The following CSMD3 variants were observed in gnomAD, a reference collection of about 807,000 sequenced individuals.
The protein encoded by CSMD3 is CUB and Sushi multiple domains 3, also known as CUB and sushi domain-containing protein 3.
CSMD3 carries 177 observed loss-of-function variants against 435.2 expected under a neutral mutation model. The observed-to-expected ratio is 0.41, with a 90% CI of 0.36 to 0.46. CSMD3 has a LOEUF of 0.46. Among genes scored for constraint, CSMD3 ranks in the 20% least tolerant of loss-of-function variants. CSMD3 has a pLI of 0.34. For synonymous variants in CSMD3, 1,656 were observed against 1,520.5 expected (o/e 1.09, Z -2.07); for missense variants, 4,265 against 4,504.6 (o/e 0.95, Z 1.52).
At chr8:112,243,214 A>G (rs1193175074) in intron 65 of CSMD3, among the ~76,000 whole-genome samples, 2 of 149,156 alleles carry the variant, frequency 1.3e-5, no homozygotes, top group Non-Finnish European at 3.0e-5. Flanking sequence ...AGATCTTCTC[A>G]TACTACAGCG....
At chr8:112,533,174 A>G (rs1188118538) in intron 27 of CSMD3, among the ~76,000 whole-genome samples, 1 of 152,056 alleles carries the variant, frequency 6.6e-6, no homozygotes, top group African/African-American at 2.4e-5. Context: ...TGGTTAAGAA[A>G]ATCACTTAAC....
chr8:113,089,828 A>T (rs2089940388), intron 5 of CSMD3, among the ~76,000 whole-genome samples: 2 of 152,098 alleles, frequency 1.3e-5, no homozygotes, highest in South Asian at 4.1e-4. Context: ...ATAAGGTCTG[A>T]TATCCTACTG....
chr8:112,911,215 A>G (rs982099038), intron 10 of CSMD3, among the ~76,000 whole-genome samples: 7 of 151,926 alleles, frequency 4.6e-5, no homozygotes, highest in Non-Finnish European at 8.8e-5. Flanking sequence ...CTCTCAAACC[A>G]TATGACATCT....
chr8:112,587,902 A>G (rs1470501339), intron 22 of CSMD3, among the ~76,000 whole-genome samples: 2 of 151,862 alleles, frequency 1.3e-5, no homozygotes, highest in African/African-American at 2.4e-5. Context: ...GTACTGCTAA[A>G]CCTTCAGGAC....
At chr8:113,422,470 C>T (rs940457851) in intron 1 of CSMD3, among the ~76,000 whole-genome samples, 7 of 152,080 alleles carry the variant, frequency 4.6e-5, no homozygotes, top group African/African-American at 1.7e-4. Flanking sequence ...AAGTGAAAGT[C>T]AATCAATATG....
chr8:112,607,989 C>T (rs900924748), intron 22 of CSMD3, among the ~76,000 whole-genome samples: 4 of 152,038 alleles, frequency 2.6e-5, no homozygotes, highest in East Asian at 1.9e-4. Context: ...CAAAACCATC[C>T]GAAACATAAA....
chr8:112,992,370 A>G (rs2085488117), intron 6 of CSMD3, among the ~76,000 whole-genome samples: 1 of 151,788 alleles, frequency 6.6e-6, no homozygotes, highest in Non-Finnish European at 1.5e-5. Context: ...ATGTCAAAAC[A>G]TACACGGTGA....
At chr8:112,325,630 A>T (rs1202736008) in intron 45 of CSMD3, among the ~76,000 whole-genome samples, 1 of 152,114 alleles carries the variant, frequency 6.6e-6, no homozygotes, top group Non-Finnish European at 1.5e-5. Context: ...GAGAAATGAA[A>T]GAATGGATGC....
chr8:112,304,671 C>G (rs375842631), intron 52 of CSMD3, 50 bp downstream of exon 52: 1 of 1,387,042 alleles, frequency 7.2e-7, no homozygotes, highest in Middle Eastern at 1.8e-4. Context: ...TCAAACAATT[C>G]GATAACCAAA....
chr8:112,885,937 T>C (rs748632875), intron 10 of CSMD3, among the ~76,000 whole-genome samples: 3 of 151,728 alleles, frequency 2.0e-5, no homozygotes, highest in Non-Finnish European at 4.4e-5. Flanking sequence ...GAATCTTTTC[T>C]GCTAAGAGGT....
chr8:112,978,000 G>C (rs893741096), intron 6 of CSMD3, among the ~76,000 whole-genome samples: 2 of 152,080 alleles, frequency 1.3e-5, no homozygotes, highest in East Asian at 1.9e-4. Context: ...CATACATCAT[G>C]ATGAGCTCAT....
At chr8:112,609,478 C>A (rs1207074591) in intron 22 of CSMD3, among the ~76,000 whole-genome samples, 4 of 152,056 alleles carry the variant, frequency 2.6e-5, no homozygotes, top group Non-Finnish European at 4.4e-5. Context: ...CACCTCACAT[C>A]TGTTAGCATG....
intron 3 of CSMD3, among the ~76,000 whole-genome samples, chr8:113,241,388 C>T (rs937878613): frequency 3.3e-5 from 5 of 151,836 alleles, no homozygotes; most frequent in African/African-American, 4.8e-5. Flanking sequence ...AGCAGTGGGT[C>T]CCTGAAAAGA....
chr8:112,552,995 A>G (rs916058350), intron 25 of CSMD3, among the ~76,000 whole-genome samples: 3 of 152,144 alleles, frequency 2.0e-5, no homozygotes, highest in African/African-American at 7.2e-5. Flanking sequence ...AGGATTCCAA[A>G]CATTTTAAGA....
At chr8:113,214,549 G>A (rs1420353123) in intron 3 of CSMD3, among the ~76,000 whole-genome samples, 1 of 151,864 alleles carries the variant, frequency 6.6e-6, no homozygotes, top group Non-Finnish European at 1.5e-5. Context: ...TTCCAATCAA[G>A]AAAACAGTTC....
intron 4 of CSMD3, among the ~76,000 whole-genome samples, chr8:113,115,355 G>T (rs956565625): frequency 4.6e-5 from 7 of 152,132 alleles, no homozygotes; most frequent in African/African-American, 1.7e-4. Flanking sequence ...TGAATAGCTT[G>T]ATGAATTTTC....
chr8:112,940,139 A>G (rs2083406900), intron 9 of CSMD3, among the ~76,000 whole-genome samples: 2 of 151,940 alleles, frequency 1.3e-5, no homozygotes, highest in South Asian at 2.1e-4. Context: ...AGTATGGTTG[A>G]TTTACATTAT....
At chr8:112,311,297 T>TGA in intron 49 of CSMD3, 131 bp from the exon 50 acceptor site, 2 of 729,972 alleles carry the variant, frequency 2.7e-6, no homozygotes, top group South Asian at 1.5e-5. Context: ...TTACTTCATA[T>TGA]GAACAACATA....
chr8:112,330,176 G>A lies in CSMD3; in HGVS notation c.7165+5153C>T, dbSNP rs531744880. On this transcript the variant is annotated intron_variant, in intron 45 of 70. Coordinates refer to ENST00000297405, the MANE Select transcript of CSMD3 (RefSeq NM_198123.2). The stretch of plus-strand genomic sequence containing the variant: ...CTCTTTTAGGATGAGACTTTGTGAA[G>A]TTAAATATACTTGTTTCCAAACACA... Among the ~76,000 whole-genome samples the A allele has an allele frequency of 7.9e-5, 12 of 152,214 alleles. No individual in the cohort carries two copies. The South Asian group carries it at 2.5e-3, about 32-fold the overall frequency.
Sources: allele counts gnomAD v4.1 joint callset (sites outside exome capture counted in the v4.1 genomes callset), GRCh38; gene constraint gnomAD v4.1.1; transcripts MANE v1.5; gene names NCBI Gene and HGNC (gene_info 2026-07-23, HGNC 2026-07-21).